The following BACH2 variants were observed in gnomAD, a reference collection of about 807,000 sequenced individuals.
The protein encoded by BACH2 is transcription regulator protein BACH2.
A neutral mutation model predicts 61.8 loss-of-function variants in BACH2; 5 were observed. The ratio of observed to expected loss-of-function variants is 0.08; its 90% CI spans 0.04 to 0.17. BACH2 has a LOEUF of 0.17. BACH2 is among the 10% of genes least tolerant of loss of function. BACH2 has a pLI of 1.00. For synonymous variants in BACH2, 446 were observed against 440.1 expected, an observed-to-expected ratio of 1.01 and a Z score of -0.17; for missense variants, 824 against 1,091.1, an observed-to-expected ratio of 0.76 and a Z score of 3.45.
At chr6:90,262,270 C>T (rs1038328657) in intron 2 of BACH2, among the ~76,000 whole-genome samples, 5 of 152,166 alleles carry the variant, frequency 3.3e-5, no homozygotes, top group African/African-American at 9.7e-5. Flanking sequence ...GCCCAAAATG[C>T]TCTATGACCC....
At chr6:89,935,628 G>A (rs1479240035) in intron 8 of BACH2, among the ~76,000 whole-genome samples, 1 of 152,224 alleles carries the variant, frequency 6.6e-6, no homozygotes, top group Admixed American at 6.5e-5. Flanking sequence ...CCAAAAAGTG[G>A]TTGGAGAACT....
chr6:89,964,240 T>A (rs994393964), intron 6 of BACH2, among the ~76,000 whole-genome samples: 4 of 147,852 alleles, frequency 2.7e-5, no homozygotes, highest in African/African-American at 1.0e-4. Flanking sequence ...GTAGTCACAT[T>A]CATAGAAACA....
intron 6 of BACH2, among the ~76,000 whole-genome samples, chr6:89,993,505 G>T (rs1776687579): frequency 6.6e-6 from 1 of 152,126 alleles, no homozygotes; most frequent in Admixed American, 6.5e-5. Flanking sequence ...GCAATCCATG[G>T]ACCACCGAGT....
chr6:89,999,306 G>A (rs1284668445), intron 6 of BACH2, among the ~76,000 whole-genome samples: 1 of 152,216 alleles, frequency 6.6e-6, no homozygotes, highest in Non-Finnish European at 1.5e-5. Context: ...CCACTGCATC[G>A]TGAGTGACTC....
chr6:90,014,445 T>C (rs1442302291), intron 5 of BACH2, among the ~76,000 whole-genome samples: 5 of 72,884 alleles, frequency 6.9e-5, no homozygotes, highest in Non-Finnish European at 1.2e-4. Flanking sequence ...TGTGTGTATA[T>C]ATATATATAT....
chr6:90,231,662 C>T (rs1362975411), intron 3 of BACH2, among the ~76,000 whole-genome samples: 3 of 152,154 alleles, frequency 2.0e-5, no homozygotes, highest in African/African-American at 4.8e-5. Context: ...TAACAACCAA[C>T]CAAAATGCAA....
intron 3 of BACH2, among the ~76,000 whole-genome samples, chr6:90,240,730 G>A (rs1051900567): frequency 1.3e-5 from 2 of 152,118 alleles, no homozygotes; most frequent in Admixed American, 6.6e-5. Context: ...CTTTCTTAGA[G>A]TGAACCTTAG....
chr6:89,946,240 A>G (rs1773711035), intron 7 of BACH2, among the ~76,000 whole-genome samples: 1 of 152,212 alleles, frequency 6.6e-6, no homozygotes, highest in Admixed American at 6.5e-5. Flanking sequence ...TAAATGTTCA[A>G]TACACATAAA....
At position 89,927,335 on chromosome 6, in the gene BACH2, G is replaced by A. The variant is rs1320144413; in HGVS notation, c.*5073C>T. The A allele has an allele frequency of 6.5e-6, 1 of 152,860 alleles. No homozygotes were observed. The highest frequency in any genetic ancestry group is 1.5e-5 in the Non-Finnish European group (1 of 68,062). The allele number at this position is 152,860 out of a possible 1,614,324, so 9.5% of individuals were successfully genotyped here. Reference sequence around the variant, plus strand: ...TGTTAGGACTTAAGGGGAGGTCATAGTTCTGCCTCCAAACATGTTTTGGTA... The same window carrying A: ...TGTTAGGACTTAAGGGGAGGTCATAATTCTGCCTCCAAACATGTTTTGGTA... On this transcript the variant is annotated 3_prime_UTR_variant, in exon 9 of 9. Coordinates refer to ENST00000257749, the MANE Select transcript of BACH2 (RefSeq NM_021813.4).
At chr6:90,049,652 T>C (rs1421341418) in intron 5 of BACH2, among the ~76,000 whole-genome samples, 2 of 152,212 alleles carry the variant, frequency 1.3e-5, no homozygotes, top group East Asian at 3.8e-4. Context: ...AAACTATCAG[T>C]TCTTCACTAC....
chr6:90,190,682 C>A lies in BACH2; in HGVS notation c.-162+15887G>T, dbSNP rs142835630. ...TCTGGCCCACTGATTTCTTTGTAAG[C>A]TGAAGCCCCTTGGCGAATCTGATGG... On this transcript the variant is annotated intron_variant, in intron 4 of 8. Transcript: ENST00000257749. Among the ~76,000 whole-genome samples the A allele has an allele frequency of 6.5e-3, 996 of 152,356 alleles. 8 individuals are homozygous for A. Among genetic ancestry groups the A allele is most frequent in the Non-Finnish European group, 9.9e-3 (675 of 68,026 alleles).
chr6:90,060,424 T>G (rs1291086591), intron 5 of BACH2, among the ~76,000 whole-genome samples: 1 of 152,208 alleles, frequency 6.6e-6, no homozygotes, highest in Non-Finnish European at 1.5e-5. Context: ...ACAAAAAAGC[T>G]TATCCACTAA....
Position 90,059,419 on chromosome 6 carries a change from A to G in BACH2, c.-13+29542T>C, listed in dbSNP as rs543740581. On this transcript the variant is annotated intron_variant, in intron 5 of 8. Coordinates refer to ENST00000257749, the MANE Select transcript of BACH2 (RefSeq NM_021813.4). Reference sequence around the variant, plus strand: ...TCAGAGGAATACAAATCAAAACCACAAGGAGATACCATCTCAAACCAGTTA... The same window carrying G: ...TCAGAGGAATACAAATCAAAACCACGAGGAGATACCATCTCAAACCAGTTA... 3.3e-5 allele frequency among the ~76,000 whole-genome samples: 5 copies of G among 152,342 alleles called. No homozygotes were observed. In the East Asian group the frequency reaches 9.6e-4, roughly 29 times the overall value.
At chr6:90,239,769 G>A (rs1770377944) in intron 3 of BACH2, among the ~76,000 whole-genome samples, 1 of 141,050 alleles carries the variant, frequency 7.1e-6, no homozygotes, top group South Asian at 2.3e-4. Flanking sequence ...GCACTGACAT[G>A]CATGATCTCC....
At chr6:90,007,493 C>CTTTT (rs1777472735) in intron 6 of BACH2, among the ~76,000 whole-genome samples, 1 of 152,044 alleles carries the variant, frequency 6.6e-6, no homozygotes, top group Non-Finnish European at 1.5e-5. Context: ...ATTTAGATGC[C>CTTTT]TTTTGGTGGA....
At chr6:90,107,614 G>C (rs907714206) in intron 4 of BACH2, among the ~76,000 whole-genome samples, 3 of 151,336 alleles carry the variant, frequency 2.0e-5, no homozygotes, top group Non-Finnish European at 2.9e-5. Context: ...CCCCCAAGGA[G>C]TCTTCACATA....
chr6:90,086,782 C>T (rs754463717), intron 5 of BACH2, among the ~76,000 whole-genome samples: 12 of 151,848 alleles, frequency 7.9e-5, no homozygotes, highest in Non-Finnish European at 1.0e-4. Flanking sequence ...CAGGAGAGGG[C>T]GCTAAGGGGC....
chr6:90,136,538 C>A (rs1052018092), intron 4 of BACH2, among the ~76,000 whole-genome samples: 7 of 152,194 alleles, frequency 4.6e-5, no homozygotes, highest in Non-Finnish European at 1.0e-4. Flanking sequence ...AAACACCCCT[C>A]CCCTGGCCCA....
intron 4 of BACH2, among the ~76,000 whole-genome samples, chr6:90,153,436 C>G (rs1285313621): frequency 6.6e-6 from 1 of 152,066 alleles, no homozygotes; most frequent in Non-Finnish European, 1.5e-5. Flanking sequence ...AATAAATAAG[C>G]AGTAGAAAAT....
Sources: gnomAD v4.1 joint callset for allele counts (sites outside exome capture counted in the v4.1 genomes callset) on GRCh38, gnomAD v4.1.1 for gene constraint, MANE v1.5 for transcripts, NCBI Gene and HGNC (gene_info 2026-07-23, HGNC 2026-07-21) for gene names.